FAM171A1: variants seen among roughly 807,000 people sequenced by gnomAD.
FAM171A1 encodes protein FAM171A1.
Under a neutral mutation model 74.9 loss-of-function variants are expected in FAM171A1, and 23 were observed. The observed-to-expected ratio is 0.31, with a 90% CI of 0.22 to 0.44. The LOEUF (loss-of-function observed/expected upper bound fraction) is 0.44. Among genes scored for constraint, FAM171A1 ranks in the 20% least tolerant of loss-of-function variants. FAM171A1 has a pLI of 1.00. For synonymous variants in FAM171A1, 527 were observed against 505.7 expected (o/e 1.04, Z -0.57); for missense variants, 1,162 against 1,159.2 (o/e 1.00, Z -0.03).
At chr10:15,288,189 T>C (rs1350267067) in intron 1 of FAM171A1, among the ~76,000 whole-genome samples, 1 of 152,252 alleles carries the variant, frequency 6.6e-6, no homozygotes, top group Non-Finnish European at 1.5e-5. Flanking sequence ...GCTGGTTTCA[T>C]ATTTTTTGCA....
intron 1 of FAM171A1, among the ~76,000 whole-genome samples, chr10:15,353,244 T>C (rs1172699557): frequency 1.3e-5 from 2 of 152,196 alleles, no homozygotes; most frequent in Non-Finnish European, 2.9e-5. Context: ...CAACCTCTGA[T>C]GAGAAGGGAA....
chr10:15,369,927 G>A (rs1169639597), intron 1 of FAM171A1, among the ~76,000 whole-genome samples: 6 of 152,224 alleles, frequency 3.9e-5, no homozygotes, highest in Admixed American at 3.3e-4. Flanking sequence ...AGAGACCTGA[G>A]CCCCCGGCAA....
At chr10:15,236,027 G>A (rs1834284068) in intron 5 of FAM171A1, among the ~76,000 whole-genome samples, 2 of 152,144 alleles carry the variant, frequency 1.3e-5, no homozygotes, top group South Asian at 4.1e-4. Context: ...ACGAACACTC[G>A]CTTTGGACAT....
intron 1 of FAM171A1, among the ~76,000 whole-genome samples, chr10:15,362,354 T>C (rs898589952): frequency 6.6e-6 from 1 of 152,236 alleles, no homozygotes; most frequent in Non-Finnish European, 1.5e-5. Flanking sequence ...TACACACTTA[T>C]GCTCCTTGAA....
At chr10:15,240,246 A>AG (rs762078661) in intron 5 of FAM171A1, among the ~76,000 whole-genome samples, 22 of 152,152 alleles carry the variant, frequency 1.4e-4, no homozygotes, top group Non-Finnish European at 7.3e-5. Context: ...CTGTAGTCCC[A>AG]GCTAGCTGGG....
At chr10:15,276,404 C>T (rs985680211) in intron 2 of FAM171A1, among the ~76,000 whole-genome samples, 1 of 152,210 alleles carries the variant, frequency 6.6e-6, no homozygotes, top group African/African-American at 2.4e-5. Context: ...TGGTCTCGAA[C>T]TCCTGACTTC....
At chr10:15,261,840 G>A (rs952291802) in intron 3 of FAM171A1, among the ~76,000 whole-genome samples, 6 of 152,154 alleles carry the variant, frequency 3.9e-5, no homozygotes, top group South Asian at 2.1e-4. Context: ...GTTTGGGGCC[G>A]GGTGTGGTGG....
chr10:15,284,178 G>A (rs886606675), intron 1 of FAM171A1, 73 bp from the exon 2 acceptor site: 7 of 1,369,626 alleles, frequency 5.1e-6, no homozygotes, highest in Non-Finnish European at 7.1e-6. Flanking sequence ...GTATGACTGT[G>A]ATGGGAAGTG....
chr10:15,364,830 C>G (rs963190145), intron 1 of FAM171A1, among the ~76,000 whole-genome samples: 3 of 152,158 alleles, frequency 2.0e-5, no homozygotes, highest in Admixed American at 2.0e-4. Flanking sequence ...TCTTCATTCT[C>G]TCCCTGACTT....
At chr10:15,234,881 C>T (rs1400414422) in intron 5 of FAM171A1, among the ~76,000 whole-genome samples, 1 of 152,020 alleles carries the variant, frequency 6.6e-6, no homozygotes, top group Non-Finnish European at 1.5e-5. Context: ...CCAGGATGGT[C>T]TCGATCTCCT....
At position 15,370,975 on chromosome 10, in the gene FAM171A1, C is replaced by G; in HGVS notation, c.78G>C (p.Glu26Asp). The G allele has an allele frequency of 8.5e-7, 1 of 1,183,376 alleles. No individual in the cohort carries two copies. The highest frequency in any genetic ancestry group is 1.1e-6 in the Non-Finnish European group (1 of 934,342). 73.3% of individuals were successfully genotyped at this position (1,183,376 alleles called of 1,614,324 possible). A position where few individuals can be genotyped will look rare whatever the true frequency, so the allele number is the denominator to read the frequency against. ...ACTGACCTTGGGCTCCGGCGCCGGG[C>G]TCCCGCAGCGTCTTGGTCACCGCCT... ...VWKAVTKTLREPGAGAQEVTL... is the reference protein window; with the variant it reads ...VWKAVTKTLRDPGAGAQEVTL... Residue 26 changes from glutamate to aspartate, a missense_variant, in exon 1 of 8, where the codon GAG becomes GAC. Glu to Asp is a conservative substitution (Grantham distance 45). Transcript: ENST00000378116.
chr10:15,308,439 A>G (rs1007702195), intron 1 of FAM171A1, among the ~76,000 whole-genome samples: 2 of 152,198 alleles, frequency 1.3e-5, no homozygotes, highest in African/African-American at 4.8e-5. Context: ...AACAGCTCGG[A>G]CATCTTATCT....
chr10:15,247,548 C>A (rs964112441), intron 5 of FAM171A1, among the ~76,000 whole-genome samples: 1 of 152,166 alleles, frequency 6.6e-6, no homozygotes, highest in African/African-American at 2.4e-5. Flanking sequence ...CCTGTATAGT[C>A]TACTCTCAGT....
chr10:15,290,777 G>A (rs951784504), intron 1 of FAM171A1, among the ~76,000 whole-genome samples: 1 of 152,136 alleles, frequency 6.6e-6, no homozygotes, highest in African/African-American at 2.4e-5. Flanking sequence ...CCAGGCAAAG[G>A]GGTGTCCTGA....
chr10:15,298,502 A>G (rs185241032), intron 1 of FAM171A1, among the ~76,000 whole-genome samples: 2 of 152,234 alleles, frequency 1.3e-5, no homozygotes, highest in African/African-American at 4.8e-5. Flanking sequence ...TCTATATGAA[A>G]ATAGGATTAC....
intron 1 of FAM171A1, among the ~76,000 whole-genome samples, chr10:15,360,236 A>G (rs1341917005): frequency 1.3e-5 from 2 of 152,194 alleles, no homozygotes; most frequent in African/African-American, 4.8e-5. Flanking sequence ...CCTGGGCCCG[A>G]TGCTTTGCTT....
intron 1 of FAM171A1, among the ~76,000 whole-genome samples, chr10:15,295,217 C>T (rs188283321): frequency 6.6e-6 from 1 of 152,242 alleles, no homozygotes; most frequent in East Asian, 1.9e-4. Flanking sequence ...GGATTATAGG[C>T]GTGAGCCACC....
At chr10:15,360,682 A>G (rs149166929) in intron 1 of FAM171A1, among the ~76,000 whole-genome samples, 3 of 152,360 alleles carry the variant, frequency 2.0e-5, no homozygotes, top group East Asian at 3.9e-4. Context: ...AGAGCATACA[A>G]TGCCAGGAGA....
chr10:15,308,604 C>A (rs569851646), intron 1 of FAM171A1, among the ~76,000 whole-genome samples: 28 of 152,210 alleles, frequency 1.8e-4, no homozygotes, highest in African/African-American at 6.3e-4. Context: ...CAGATTGCGC[C>A]ATTGCACTCC....
Sources: allele counts gnomAD v4.1 joint callset (sites outside exome capture counted in the v4.1 genomes callset), GRCh38; gene constraint gnomAD v4.1.1; transcripts MANE v1.5; gene names NCBI Gene and HGNC (gene_info 2026-07-23, HGNC 2026-07-21).